Variants in GYS1 observed in about 807,000 individuals in gnomAD.
The protein encoded by GYS1 is glycogen synthase 1, also known as glycogen [starch] synthase, muscle.
In GYS1, 60 loss-of-function variants were observed where a neutral mutation model predicts 89.1. That is an observed-to-expected ratio of 0.67 (90% CI 0.55 to 0.84). GYS1 has a LOEUF of 0.84. GYS1 is among the 40% of genes least tolerant of loss of function. The probability of loss-of-function intolerance (pLI) is 0.00; values close to 1 mark genes in which losing one functional copy is unlikely to be tolerated. For synonymous variants in GYS1, 366 were observed against 401.7 expected, an observed-to-expected ratio of 0.91 and a Z score of 1.06; for missense variants, 888 against 1,003.1, an observed-to-expected ratio of 0.89 and a Z score of 1.55.
chr19:48,984,584 T>C (rs1456388420), intron 5 of GYS1, among the ~76,000 whole-genome samples: 1 of 150,454 alleles, frequency 6.6e-6, no homozygotes, highest in Non-Finnish European at 1.5e-5. Flanking sequence ...TTAGTAGAGA[T>C]GGAGTTTCGC....
rs144356305 is a variant in GYS1, at chr19:48,974,994, A to G, written c.1309-261T>C. Among the ~76,000 whole-genome samples, 7,838 of 152,148 alleles carry G rather than the reference A, an allele frequency of 0.052. 644 individuals carry two copies. The highest frequency in any genetic ancestry group is 0.18 in the African/African-American group (7,354 of 41,476). On this transcript the variant is annotated intron_variant, in intron 10 of 15. Transcript: ENST00000323798. ...CGCCCAGGCTGGAATGCAGTGGCAC[A>G]ATCTCGGCTCACTGCAAGCTCCACC...
Position 48,985,952 on chromosome 19 carries a change from A to G in GYS1, c.576T>C (p.Arg192=). The G allele has an allele frequency of 6.2e-7, 1 of 1,614,158 alleles. No individual in the cohort carries two copies. The highest frequency in any genetic ancestry group is 8.5e-7 in the Non-Finnish European group (1 of 1,180,006). Residue 192 remains arginine (R), a synonymous_variant, in exon 4 of 16, where the codon CGT becomes CGC. Coordinates refer to ENST00000323798, the MANE Select transcript of GYS1 (RefSeq NM_002103.5). The part of the protein sequence containing the change: ...WLAGVGLCLC[R]ARRLPVATIF... Reference sequence around the variant, plus strand: ...TGGTTGCTACAGGCAGTCGCCGGGCACGACACAGGCAGAGTCCAACGCCTG... The same window carrying G: ...TGGTTGCTACAGGCAGTCGCCGGGCGCGACACAGGCAGAGTCCAACGCCTG...
Position 48,969,249 on chromosome 19 carries a change from C to T in GYS1, c.*39G>A. 6.6e-7 allele frequency: 1 copy of T among 1,506,836 alleles called. No individual in the cohort carries two copies. The highest frequency in any genetic ancestry group is 1.2e-5 in the South Asian group (1 of 81,926). The allele number at this position is 1,506,836 out of a possible 1,614,324, so 93.3% of individuals were successfully genotyped here. A position where few individuals can be genotyped will look rare whatever the true frequency, so the allele number is the denominator to read the frequency against. On this transcript the variant is annotated 3_prime_UTR_variant, in exon 16 of 16. Coordinates refer to ENST00000323798, the MANE Select transcript of GYS1 (RefSeq NM_002103.5). The stretch of plus-strand genomic sequence containing the variant: ...ACCCCTCTGCATCCTCTCTCTGGAG[C>T]AGAGAGGCAGGACAGGCGGGGAGTG...
chr19:48,982,895 T>G, intron 5 of GYS1, 58 bp from the exon 6 acceptor site: 1 of 1,213,954 alleles, frequency 8.2e-7, no homozygotes, highest in Non-Finnish European at 1.2e-6. Context: ...AATGTTGTGG[T>G]TGAATGAATA....
intron 8 of GYS1, among the ~76,000 whole-genome samples, chr19:48,978,533 A>AT (rs1300507669): frequency 6.9e-6 from 1 of 144,254 alleles, no homozygotes; most frequent in African/African-American, 2.6e-5. Flanking sequence ...CAGTTTATTT[A>AT]TTATTATTAT....
Position 48,987,260 on chromosome 19 carries a change from C to T in GYS1, c.426G>A (p.Pro142=), listed in dbSNP as rs767467759. 6.2e-6 allele frequency: 10 copies of T among 1,613,272 alleles called. No homozygotes were observed. The highest frequency in any genetic ancestry group is 4.4e-5 in the South Asian group (4 of 90,824). Residue 142 remains proline, a synonymous_variant, in exon 3 of 16, where the codon CCG becomes CCA. Transcript: ENST00000323798. ...ELWDTCNIGV[P]WYDREANDAV... ...CGTCGTTGGCCTCGCGGTCGTACCA[C>T]GGCACTCCGATGTTGCAGGTATCCC...
intron 3 of GYS1, 56 bp from the exon 4 acceptor site, chr19:48,986,091 C>T (rs1473223363): frequency 1.3e-5 from 20 of 1,534,086 alleles, no homozygotes; most frequent in Non-Finnish European, 1.5e-5. Context: ...AAAGAATCGG[C>T]AATCCCCAGT....
Position 48,969,138 on chromosome 19 carries a change from G to T in GYS1, c.*150C>A. ...GTGCAGGAACTTGGAAACTGGAGCTGGAGGGGGTGGAGTGTTTGGCGGACT... is the reference window on the plus strand; with the variant it reads ...GTGCAGGAACTTGGAAACTGGAGCTTGAGGGGGTGGAGTGTTTGGCGGACT... On this transcript the variant is annotated 3_prime_UTR_variant, in exon 16 of 16. Transcript: ENST00000323798. 1.5e-6 allele frequency: 1 copy of T among 682,176 alleles called. No individual in the cohort carries two copies. The highest frequency in any genetic ancestry group is 2.7e-5 in the East Asian group (1 of 36,922). 42.3% of individuals were successfully genotyped at this position (682,176 alleles called of 1,614,324 possible).
chr19:48,969,968 C>T, intron 14 of GYS1, 113 bp from the exon 15 acceptor site: 1 of 718,004 alleles, frequency 1.4e-6, no homozygotes, highest in Non-Finnish European at 2.5e-6. Context: ...TGCTGCACCC[C>T]ATACAAATAA....
rs1434165950 is a variant in GYS1 at position 48,985,446 on chromosome 19, C to T, written c.823+15G>A. Reference sequence around the variant, plus strand: ...CTACCTCATTCACGTCTGGGGACTTCAGCCCAGCCCCTACCTGGTTTCCTC... The same window carrying T: ...CTACCTCATTCACGTCTGGGGACTTTAGCCCAGCCCCTACCTGGTTTCCTC... On this transcript the variant is annotated intron_variant, in intron 5 of 15. Transcript: ENST00000323798. 6.2e-7 allele frequency: 1 copy of T among 1,612,598 alleles called. No individual in the cohort carries two copies.
intron 10 of GYS1, among the ~76,000 whole-genome samples, chr19:48,975,172 C>T (rs970085588): frequency 6.6e-6 from 1 of 151,868 alleles, no homozygotes; most frequent in Non-Finnish European, 1.5e-5. Context: ...ACCTCGTGAT[C>T]CACCTGCCTT....
At position 48,968,502 on chromosome 19, in the gene GYS1, C is replaced by T. The variant is rs529213106; in HGVS notation, c.*786G>A. On this transcript the variant is annotated 3_prime_UTR_variant, in exon 16 of 16. Coordinates refer to ENST00000323798, the MANE Select transcript of GYS1 (RefSeq NM_002103.5). ...GACAGCCAGCTCTGTCCTCTGCAGG[C>T]GGATTCCCTGGAGGGAGATCTCAGA... 49 of 454,508 alleles carry T rather than the reference C, an allele frequency of 1.1e-4. No individual in the cohort carries two copies. Among genetic ancestry groups the T allele is most frequent in the African/African-American group, 4.8e-4 (24 of 50,118 alleles). 28.2% of individuals were successfully genotyped at this position (454,508 alleles called of 1,614,324 possible).
intron 2 of GYS1, among the ~76,000 whole-genome samples, chr19:48,990,954 C>T (rs917931248): frequency 6.6e-6 from 1 of 152,208 alleles, no homozygotes; most frequent in Non-Finnish European, 1.5e-5. Flanking sequence ...GCCACCACAC[C>T]CAGCTAATTT....
At chr19:48,978,571 G>A (rs540574972) in intron 8 of GYS1, among the ~76,000 whole-genome samples, 58 of 143,488 alleles carry the variant, frequency 4.0e-4, no homozygotes, top group African/African-American at 1.3e-3. Flanking sequence ...TTACTCTGTC[G>A]TCCAGGCTGG....
chr19:48,990,985 G>A (rs1270339875), intron 2 of GYS1, among the ~76,000 whole-genome samples: 3 of 152,234 alleles, frequency 2.0e-5, no homozygotes, highest in African/African-American at 7.2e-5. Flanking sequence ...GGTAGAGACG[G>A]GGTTTCGCCA....
In GYS1 at chr19:48,969,560, G is replaced by A; in HGVS notation, c.1942C>T (p.Leu648=). ...RPASVPPSPS[L]SRHSSPHQSE... ...TGGTGCGGGCTGGAGTGTCGTGACA[G>A]CGAGGGCGACGGTGGCACCGAGGCT... Residue 648 remains leucine (L), a synonymous_variant, in exon 16 of 16, where the codon CTG becomes TTG. Coordinates refer to ENST00000323798, the MANE Select transcript of GYS1 (RefSeq NM_002103.5). The A allele has an allele frequency of 4.5e-6, 7 of 1,539,544 alleles. No individual in the cohort carries two copies. The highest frequency in any genetic ancestry group is 5.2e-6 in the Non-Finnish European group (6 of 1,146,888).
At chr19:48,980,118 T>G (rs2038735360) in intron 8 of GYS1, among the ~76,000 whole-genome samples, 1 of 152,078 alleles carries the variant, frequency 6.6e-6, no homozygotes, top group Admixed American at 6.6e-5. Flanking sequence ...CCCTTCTCTA[T>G]GAGACATGTC....
rs1242952298 is a variant in GYS1, at chr19:48,985,927, T to C, written c.601A>G (p.Ile201Val). The C allele has an allele frequency of 8.1e-6, 13 of 1,614,164 alleles. No homozygotes were observed. In the East Asian group the frequency reaches 1.1e-4, roughly 14 times the overall value. The stretch of plus-strand genomic sequence containing the variant: ...AGCAGCGTGGCATGGGTGGTGAAGA[T>C]GGTTGCTACAGGCAGTCGCCGGGCA... ...CRARRLPVAT[I>V]FTTHATLLGR... The change falls in exon 4 of 16, where the codon ATC (isoleucine) becomes GTC (valine). Residue 201 changes from isoleucine to valine, a missense_variant. By Grantham distance (29) the Ile-to-Val change is conservative (BLOSUM62 3). Transcript: ENST00000323798.
Position 48,974,399 on chromosome 19 carries a change from C to A in GYS1, c.1423-60G>T, listed in dbSNP as rs548136692. 33 of 1,580,604 alleles carry A rather than the reference C, an allele frequency of 2.1e-5. No homozygotes were observed. In the East Asian group the frequency reaches 6.9e-4, roughly 33 times the overall value. ...CTTATTTAGCTAAGCCCTGAGATCC[C>A]AAGGTGGCCCAGAGAGGGTAAAAAG... On this transcript the variant is annotated intron_variant, in intron 11 of 15. Transcript: ENST00000323798.
Sources: allele counts gnomAD v4.1 joint callset (sites outside exome capture counted in the v4.1 genomes callset), GRCh38; gene constraint gnomAD v4.1.1; transcripts MANE v1.5; gene names NCBI Gene and HGNC (gene_info 2026-07-23, HGNC 2026-07-21).